Variants in AXDND1 observed in about 807,000 individuals in gnomAD.
AXDND1 encodes the protein axonemal dynein light chain domain containing 1.
A neutral mutation model predicts 137.5 loss-of-function variants in AXDND1; 110 were observed. The ratio of observed to expected loss-of-function variants is 0.80; its 90% CI spans 0.69 to 0.94. The LOEUF is 0.94. AXDND1 is among the 40% of genes least tolerant of loss of function. AXDND1 has a pLI of 0.00. For missense variants in AXDND1, 1,191 were observed against 1,169.8 expected (o/e 1.02, Z -0.26); for synonymous variants, 414 against 399.7 (o/e 1.04, Z -0.43).
chr1:179,539,708 T>G (rs991115297), intron 25 of AXDND1, among the ~76,000 whole-genome samples: 1 of 152,214 alleles, frequency 6.6e-6, no homozygotes, highest in African/African-American at 2.4e-5. Context: ...TGGTGTTCTC[T>G]GTATTTCCTG....
At chr1:179,384,636 T>C (rs1318828441) in intron 8 of AXDND1, among the ~76,000 whole-genome samples, 1 of 152,206 alleles carries the variant, frequency 6.6e-6, no homozygotes, top group Non-Finnish European at 1.5e-5. Flanking sequence ...CCAGTTACTC[T>C]GTAGAATGTT....
At chr1:179,481,691 G>A (rs1016744505) in intron 17 of AXDND1, among the ~76,000 whole-genome samples, 1 of 152,170 alleles carries the variant, frequency 6.6e-6, no homozygotes, top group Non-Finnish European at 1.5e-5. Flanking sequence ...CTGGTGTGAG[G>A]TGGTATCTCA....
intron 25 of AXDND1, among the ~76,000 whole-genome samples, chr1:179,535,575 A>G (rs1671469244): frequency 1.3e-5 from 2 of 152,182 alleles, no homozygotes; most frequent in South Asian, 4.1e-4. Flanking sequence ...ATGGCTGCAT[A>G]GTATTCCATG....
intron 2 of AXDND1, 132 bp downstream of exon 2, chr1:179,366,738 A>G: frequency 1.4e-6 from 1 of 713,354 alleles, no homozygotes; most frequent in South Asian, 1.8e-5. Flanking sequence ...CACTTGCTTA[A>G]ATAAAGCAAG....
chr1:179,418,188 A>G (rs1655003031), intron 12 of AXDND1, among the ~76,000 whole-genome samples: 1 of 151,392 alleles, frequency 6.6e-6, no homozygotes, highest in African/African-American at 2.4e-5. Flanking sequence ...AGTGGTGATG[A>G]CTCTTAACGA....
intron 11 of AXDND1, among the ~76,000 whole-genome samples, chr1:179,404,366 C>A (rs1196253965): frequency 6.6e-6 from 1 of 151,902 alleles, no homozygotes; most frequent in Non-Finnish European, 1.5e-5. Context: ...GGAGTACAGG[C>A]ATCCGCCACC....
intron 19 of AXDND1, among the ~76,000 whole-genome samples, chr1:179,491,946 A>G (rs552476010): frequency 7.2e-5 from 11 of 152,306 alleles, no homozygotes; most frequent in Admixed American, 3.9e-4. Context: ...CAGGATGAGA[A>G]GTGTGTGTAT....
At chr1:179,515,786 A>G (rs181840370) in intron 21 of AXDND1, among the ~76,000 whole-genome samples, 4 of 152,240 alleles carry the variant, frequency 2.6e-5, no homozygotes, top group Admixed American at 1.3e-4. Flanking sequence ...TTTACTCATC[A>G]TATTGGCAAA....
At chr1:179,530,003 G>A (rs1670902696) in intron 23 of AXDND1, among the ~76,000 whole-genome samples, 2 of 152,104 alleles carry the variant, frequency 1.3e-5, no homozygotes, top group Admixed American at 1.3e-4. Flanking sequence ...ATGTAAGAGG[G>A]AGCAGTGGGA....
chr1:179,523,103 G>T (rs937854143), intron 21 of AXDND1, among the ~76,000 whole-genome samples: 13 of 151,696 alleles, frequency 8.6e-5, no homozygotes, highest in Non-Finnish European at 1.8e-4. Context: ...TTTCCTCGTG[G>T]CCTCTCATAC....
chr1:179,473,387 A>G (rs1571987818), intron 17 of AXDND1, among the ~76,000 whole-genome samples: 1 of 152,018 alleles, frequency 6.6e-6, no homozygotes, highest in Non-Finnish European at 1.5e-5. Context: ...AATCCCAGCT[A>G]CTTGGGAGGC....
At chr1:179,404,152 T>C (rs12749810) in intron 11 of AXDND1, among the ~76,000 whole-genome samples, 1 of 151,714 alleles carries the variant, frequency 6.6e-6, no homozygotes, top group Non-Finnish European at 1.5e-5. Flanking sequence ...TTTTATCTAT[T>C]CATGACATTG....
intron 25 of AXDND1, chr1:179,544,872 C>A (rs922173707): frequency 6.6e-6 from 1 of 152,112 alleles, no homozygotes; most frequent in Admixed American, 6.6e-5. Flanking sequence ...TTATAAGACA[C>A]GGTCACAGAG....
intron 11 of AXDND1, among the ~76,000 whole-genome samples, chr1:179,409,697 C>T (rs1313014142): frequency 6.6e-6 from 1 of 152,122 alleles, no homozygotes; most frequent in Non-Finnish European, 1.5e-5. Flanking sequence ...TCCTGGCCAA[C>T]ATGGTGAAAC....
chr1:179,388,973 A>ATTTTTTT (rs200417239), intron 9 of AXDND1, among the ~76,000 whole-genome samples: 1 of 76,532 alleles, frequency 1.3e-5, no homozygotes, highest in Non-Finnish European at 2.6e-5. Context: ...TCATTTTTAG[A>ATTTTTTT]TTCTTTTTTT....
intron 22 of AXDND1, among the ~76,000 whole-genome samples, chr1:179,527,547 GAAT>G: frequency 6.6e-6 from 1 of 152,148 alleles, no homozygotes; most frequent in South Asian, 2.1e-4. Flanking sequence ...TTACACTAGA[GAAT>G]AATAATACTA....
Position 179,424,520 on chromosome 1 carries a change from C to T in AXDND1, c.1231-4998C>T, listed in dbSNP as rs576646890. Among the ~76,000 whole-genome samples the T allele has an allele frequency of 1.9e-3, 289 of 151,278 alleles. 1 individual carries two copies. The highest frequency in any genetic ancestry group is 3.4e-3 in the Middle Eastern group (1 of 294). ...TCTGCTCACTGCAACCTCTGCCTCC[C>T]GGGTTCAAGCGATTCTCCTGCCTCA... On this transcript the variant is annotated intron_variant, in intron 12 of 25. Coordinates refer to ENST00000367618, the MANE Select transcript of AXDND1 (RefSeq NM_144696.6).
intron 18 of AXDND1, among the ~76,000 whole-genome samples, chr1:179,490,765 T>TTC (rs202006475): frequency 6.6e-6 from 1 of 151,694 alleles, no homozygotes; most frequent in Admixed American, 6.6e-5. Context: ...AGTACTTGTT[T>TTC]TTTTTTTTTT....
At chr1:179,418,169 A>C (rs1189849052) in intron 12 of AXDND1, among the ~76,000 whole-genome samples, 1 of 151,740 alleles carries the variant, frequency 6.6e-6, no homozygotes, top group Non-Finnish European at 1.5e-5. Flanking sequence ...TGGGTACTTA[A>C]GATTAGGGAG....
Sources: gnomAD v4.1 joint callset for allele counts (sites outside exome capture counted in the v4.1 genomes callset) on GRCh38, gnomAD v4.1.1 for gene constraint, MANE v1.5 for transcripts, NCBI Gene and HGNC (gene_info 2026-07-23, HGNC 2026-07-21) for gene names.